SCUBE2: variants seen among roughly 807,000 people sequenced by gnomAD.
The protein encoded by SCUBE2 is signal peptide, CUB and EGF-like domain-containing protein 2.
SCUBE2 carries 114 observed loss-of-function variants against 125.9 expected under a neutral mutation model. The ratio of observed to expected loss-of-function variants is 0.91; its 90% CI spans 0.78 to 1.06. The LOEUF (loss-of-function observed/expected upper bound fraction) is 1.06, where lower values mean the gene tolerates loss of function less well. Ranked by LOEUF, SCUBE2 falls within the 50% of genes least tolerant of loss-of-function variation. The pLI is 0.00. For missense variants in SCUBE2, 1,255 were observed against 1,301.8 expected, an observed-to-expected ratio of 0.96 and a Z score of 0.55; for synonymous variants, 459 against 492.9, an observed-to-expected ratio of 0.93 and a Z score of 0.91.
At position 9,054,155 on chromosome 11, in the gene SCUBE2, C is replaced by T. The variant is rs142017629; in HGVS notation, c.1208-396G>A. Reference sequence around the variant, plus strand: ...GGGATTACGGGCATGTGCCAACACGCCTGGCTAATTTTTGCATTTTTAGTA... The same window carrying T: ...GGGATTACGGGCATGTGCCAACACGTCTGGCTAATTTTTGCATTTTTAGTA... On this transcript the variant is annotated intron_variant, in intron 10 of 22. Transcript: ENST00000649792. 5.7e-3 allele frequency among the ~76,000 whole-genome samples: 875 copies of T among 152,222 alleles called. 16 individuals carry two copies. Among genetic ancestry groups the T allele is most frequent in the African/African-American group, 0.02 (845 of 41,516 alleles).
intron 2 of SCUBE2, among the ~76,000 whole-genome samples, chr11:9,088,471 A>T (rs1862315043): frequency 6.6e-6 from 1 of 152,222 alleles, no homozygotes; most frequent in South Asian, 2.1e-4. Flanking sequence ...ATTGCACTCC[A>T]GCCTGGGTAA....
chr11:9,085,304 T>C (rs774995586), intron 2 of SCUBE2, among the ~76,000 whole-genome samples: 8 of 152,208 alleles, frequency 5.3e-5, no homozygotes, highest in African/African-American at 1.7e-4. Flanking sequence ...ATAATTGTAC[T>C]ATAGTTATGT....
chr11:9,030,341 G>A (rs757579674), intron 18 of SCUBE2: 2 of 468,102 alleles, frequency 4.3e-6, no homozygotes, highest in Admixed American at 7.0e-5. Context: ...GCACGTCTGT[G>A]AGTATAGGGG....
intron 19 of SCUBE2, 59 bp from the exon 20 acceptor site, chr11:9,027,620 G>A (rs919676911): frequency 1.8e-5 from 27 of 1,486,926 alleles, no homozygotes; most frequent in African/African-American, 9.6e-5. Context: ...CCTGACCACC[G>A]CTAGCTTGCC....
chr11:9,021,021 G>A lies in SCUBE2; in HGVS notation c.*24C>T, dbSNP rs371240445. On this transcript the variant is annotated 3_prime_UTR_variant, in exon 23 of 23. Coordinates refer to ENST00000649792, the MANE Select transcript of SCUBE2 (RefSeq NM_001367977.2). ...CCACCAACCCTATAGCAGAACATTT[G>A]TATTGAGTGGCACGTGGGCTGAGTC... 3.7e-6 allele frequency: 6 copies of A among 1,608,010 alleles called. No individual in the cohort carries two copies. In the African/African-American group the frequency reaches 8.0e-5, roughly 22 times the overall value.
intron 17 of SCUBE2, chr11:9,031,259 G>C (rs1418046261): frequency 5.4e-6 from 1 of 184,836 alleles, no homozygotes; most frequent in Admixed American, 6.1e-5. Flanking sequence ...GCAGGAGAGA[G>C]AGTTCTCTGC....
At chr11:9,084,738 C>A (rs147151243) in intron 2 of SCUBE2, among the ~76,000 whole-genome samples, 2 of 152,248 alleles carry the variant, frequency 1.3e-5, no homozygotes, top group East Asian at 3.9e-4. Context: ...CAAAGACATT[C>A]TCTTATATCA....
At chr11:9,052,325 C>A (rs1858499582) in intron 13 of SCUBE2, among the ~76,000 whole-genome samples, 1 of 152,244 alleles carries the variant, frequency 6.6e-6, no homozygotes, top group Non-Finnish European at 1.5e-5. Flanking sequence ...GGATTTCATT[C>A]TTCATCTTTT....
chr11:9,041,701 G>A (rs373105498), intron 16 of SCUBE2, among the ~76,000 whole-genome samples: 2 of 152,110 alleles, frequency 1.3e-5, no homozygotes, highest in Non-Finnish European at 2.9e-5. Flanking sequence ...AGGTAAGGAG[G>A]CAAAGACAGT....
At chr11:9,055,025 C>T (rs890117120) in intron 10 of SCUBE2, among the ~76,000 whole-genome samples, 3 of 152,084 alleles carry the variant, frequency 2.0e-5, no homozygotes, top group Non-Finnish European at 2.9e-5. Context: ...TAAGCCACCA[C>T]GCCCAGCATA....
chr11:9,076,149 C>T (rs1861195932), intron 3 of SCUBE2, among the ~76,000 whole-genome samples: 1 of 152,032 alleles, frequency 6.6e-6, no homozygotes, highest in African/African-American at 2.4e-5. Flanking sequence ...ATGAGAGAGC[C>T]AAAGGCGGGA....
At chr11:9,083,496 A>G (rs997166217) in intron 2 of SCUBE2, among the ~76,000 whole-genome samples, 2 of 152,164 alleles carry the variant, frequency 1.3e-5, no homozygotes, top group Non-Finnish European at 2.9e-5. Flanking sequence ...ACAGATAATG[A>G]GCGCCAGATT....
chr11:9,077,531 T>C (rs988034473), intron 3 of SCUBE2, among the ~76,000 whole-genome samples: 10 of 152,132 alleles, frequency 6.6e-5, no homozygotes, highest in African/African-American at 2.2e-4. Context: ...TAATGTGTGG[T>C]TAGGAGGCTG....
chr11:9,030,027 T>C lies in SCUBE2; in HGVS notation c.2360A>G (p.His787Arg). ...CETRVQCSPG[H>R]FYNTTTHRCI... ...TCGGTGAGTGGTGGTGTTGTAGAAA[T>C]GTCCAGGTGAACATTGAACTGTGGG... Residue 787 changes from histidine to arginine, a missense_variant, in exon 19 of 23, where the codon CAT becomes CGT. Transcript: ENST00000649792. 2 of 1,614,160 alleles carry C rather than the reference T, an allele frequency of 1.2e-6. No homozygotes were observed. The highest frequency in any genetic ancestry group is 1.7e-6 in the Non-Finnish European group (2 of 1,180,022).
chr11:9,051,210 CTATCTATCTAT>C (rs1566200459), intron 13 of SCUBE2, among the ~76,000 whole-genome samples: 1 of 149,654 alleles, frequency 6.7e-6, no homozygotes, highest in Non-Finnish European at 1.5e-5. Context: ...ATCTATCTAT[CTATCTATCTAT>C]CTATCTACCT....
chr11:9,058,601 A>G (rs1859348134), intron 9 of SCUBE2, among the ~76,000 whole-genome samples: 2 of 80,386 alleles, frequency 2.5e-5, no homozygotes. Flanking sequence ...GTCTCAAAAA[A>G]AAAAAAAAAA....
At chr11:9,028,184 G>A (rs549477504) in intron 19 of SCUBE2, among the ~76,000 whole-genome samples, 7 of 150,664 alleles carry the variant, frequency 4.6e-5, no homozygotes, top group African/African-American at 1.7e-4. Flanking sequence ...ATATGCAAGT[G>A]CCATCAGGCC....
rs1430419422 is a variant in SCUBE2 at position 9,020,916 on chromosome 11, A to C, written c.*129T>G. On this transcript the variant is annotated 3_prime_UTR_variant, in exon 23 of 23. Coordinates refer to ENST00000649792, the MANE Select transcript of SCUBE2 (RefSeq NM_001367977.2). Reference sequence around the variant, plus strand: ...CCAAAATATCTGTATTATCTATAAAAATTGAACTCTAATGAGTCACTGATA... The same window carrying C: ...CCAAAATATCTGTATTATCTATAAACATTGAACTCTAATGAGTCACTGATA... 3 of 763,984 alleles carry C rather than the reference A, an allele frequency of 3.9e-6. No homozygotes were observed. The highest frequency in any genetic ancestry group is 6.0e-6 in the Non-Finnish European group (3 of 497,344). The allele number at this position is 763,984 out of a possible 1,614,324, so 47.3% of individuals were successfully genotyped here.
chr11:9,085,202 C>CA (rs1387712901), intron 2 of SCUBE2, among the ~76,000 whole-genome samples: 2 of 151,582 alleles, frequency 1.3e-5, no homozygotes, highest in Non-Finnish European at 2.9e-5. Context: ...GATTCTGGAA[C>CA]AAAAAAAGAA....
Sources: gnomAD v4.1 joint callset for allele counts (sites outside exome capture counted in the v4.1 genomes callset) on GRCh38, gnomAD v4.1.1 for gene constraint, MANE v1.5 for transcripts, NCBI Gene and HGNC (gene_info 2026-07-23, HGNC 2026-07-21) for gene names.